Variants in FIG4 observed in about 807,000 individuals in gnomAD.
The protein encoded by FIG4 is FIG4 phosphoinositide 5-phosphatase, also known as polyphosphoinositide phosphatase.
FIG4 carries 112 observed loss-of-function variants against 118.6 expected under a neutral mutation model. The observed-to-expected ratio is 0.94, with a 90% CI of 0.81 to 1.11. The LOEUF (loss-of-function observed/expected upper bound fraction) is 1.11, where lower values mean the gene tolerates loss of function less well. Ranked by LOEUF, FIG4 falls within the 50% of genes least tolerant of loss-of-function variation. The pLI is 0.00. For missense variants in FIG4, 969 were observed against 1,111.7 expected (o/e 0.87, Z 1.83); for synonymous variants, 369 against 381.2 (o/e 0.97, Z 0.37).
At chr6:109,775,656 A>G (rs972815882) in intron 15 of FIG4, among the ~76,000 whole-genome samples, 1 of 152,214 alleles carries the variant, frequency 6.6e-6, no homozygotes, top group Admixed American at 6.5e-5. Context: ...GCAGTAATGT[A>G]TGCATTATTT....
At chr6:109,795,116 T>TG (rs1778246143) in intron 21 of FIG4, among the ~76,000 whole-genome samples, 4 of 117,126 alleles carry the variant, frequency 3.4e-5, no homozygotes, top group Non-Finnish European at 7.3e-5. Context: ...TTTTTTTTTT[T>TG]TTTTTTTTTT....
rs199711958 is a variant in FIG4 at position 109,760,318 on chromosome 6, C to T, written c.1206C>T (p.Asn402=). ...EELVAAVTYL[N]QFLPPEHTIV... ...TTGTTGCTGCTGTGACCTATCTCAA[C>T]CAATTTTTGCCTCCTGAGCACACTA... Residue 402 remains asparagine, a synonymous_variant, in exon 11 of 23, where the codon AAC becomes AAT. Coordinates refer to ENST00000230124, the MANE Select transcript of FIG4 (RefSeq NM_014845.6). The T allele has an allele frequency of 5.0e-6, 8 of 1,612,936 alleles. No homozygotes were observed. Among genetic ancestry groups the T allele is most frequent in the East Asian group, 2.2e-5 (1 of 44,848 alleles).
chr6:109,786,289 GT>G lies in FIG4; in HGVS notation c.1949-12del. 2 of 1,608,282 alleles carry G rather than the reference GT, an allele frequency of 1.2e-6. No homozygotes were observed. The highest frequency in any genetic ancestry group is 1.7e-6 in the Non-Finnish European group (2 of 1,175,228). On this transcript the variant is annotated splice_polypyrimidine_tract_variant and intron_variant, in intron 17 of 22. Coordinates refer to ENST00000230124, the MANE Select transcript of FIG4 (RefSeq NM_014845.6). ...TCTCAGACTTTTAGAGTAACATGCA[GT>G]ATCTCTCTTAGTTATCTGTGCTGTG...
intron 16 of FIG4, among the ~76,000 whole-genome samples, chr6:109,783,856 T>A (rs1777877770): frequency 6.6e-6 from 1 of 152,228 alleles, no homozygotes; most frequent in Non-Finnish European, 1.5e-5. Context: ...CTGTAAAGCA[T>A]AACTTCAGTC....
At chr6:109,730,950 T>C (rs926236622) in intron 4 of FIG4, among the ~76,000 whole-genome samples, 1 of 152,148 alleles carries the variant, frequency 6.6e-6, no homozygotes, top group Admixed American at 6.6e-5. Flanking sequence ...CAAGCAGCAG[T>C]CTGAAAGTAG....
rs111425638 is a variant in FIG4, at chr6:109,785,287, C to G, written c.1948+259C>G. On this transcript the variant is annotated intron_variant, in intron 17 of 22. Transcript: ENST00000230124. ...TGTCTTACAATTATTATGTGTCTGT[C>G]AAATATTTAGTCAGTAAAATATGAT... 2.6e-3 allele frequency among the ~76,000 whole-genome samples: 401 copies of G among 152,168 alleles called. 1 individual carries two copies. Among genetic ancestry groups the G allele is most frequent in the African/African-American group, 9.1e-3 (376 of 41,534 alleles).
chr6:109,715,247 A>T, intron 2 of FIG4, 71 bp downstream of exon 2: 2 of 768,724 alleles, frequency 2.6e-6, no homozygotes, highest in Non-Finnish European at 4.6e-6. Flanking sequence ...AAATATCCTT[A>T]CAGTTTTTAG....
chr6:109,807,945 A>G (rs2128400066), intron 22 of FIG4, among the ~76,000 whole-genome samples: 1 of 152,124 alleles, frequency 6.6e-6, no homozygotes, highest in East Asian at 1.9e-4. Flanking sequence ...TCTGTTCTGA[A>G]CAGAGCAGAT....
At position 109,777,021 on chromosome 6, in the gene FIG4, A is replaced by G. The variant is rs779158904; in HGVS notation, c.1850A>G (p.His617Arg). The G allele has an allele frequency of 6.2e-7, 1 of 1,613,854 alleles. No individual in the cohort carries two copies. Residue 617 changes from histidine to arginine, a missense_variant, in exon 16 of 23, where the codon CAT (histidine) becomes CGT (arginine). By Grantham distance (29) the His-to-Arg change is conservative. Coordinates refer to ENST00000230124, the MANE Select transcript of FIG4 (RefSeq NM_014845.6). ...LWELPTDFYL[H>R]HKNTMRLLPT... Reference sequence around the variant, plus strand: ...GAGCTCCCAACAGATTTTTATTTGCATCACAAAAATACCATGAGACTTTTG... The same window carrying G: ...GAGCTCCCAACAGATTTTTATTTGCGTCACAAAAATACCATGAGACTTTTG...
At chr6:109,788,516 A>T (rs757342844) in intron 18 of FIG4, among the ~76,000 whole-genome samples, 2 of 152,240 alleles carry the variant, frequency 1.3e-5, no homozygotes, top group Non-Finnish European at 2.9e-5. Context: ...CTCAGCTGAG[A>T]ACATAAGCAA....
At chr6:109,775,736 C>T (rs535716594) in intron 15 of FIG4, among the ~76,000 whole-genome samples, 1 of 152,226 alleles carries the variant, frequency 6.6e-6, no homozygotes, top group East Asian at 1.9e-4. Context: ...AAACATGTCC[C>T]TTTTTATATA....
At chr6:109,714,067 T>C (rs1205007331) in intron 1 of FIG4, among the ~76,000 whole-genome samples, 3 of 152,134 alleles carry the variant, frequency 2.0e-5, no homozygotes, top group Non-Finnish European at 4.4e-5. Flanking sequence ...TACCAAACCC[T>C]CTGGGCTCTG....
At chr6:109,762,997 C>T (rs184016654) in intron 12 of FIG4, among the ~76,000 whole-genome samples, 5 of 152,322 alleles carry the variant, frequency 3.3e-5, no homozygotes, top group Non-Finnish European at 7.3e-5. Context: ...GAGTCTTCTC[C>T]TCAGTGGAGT....
In FIG4 at chr6:109,766,720, T is replaced by C. The variant is rs748433013; in HGVS notation, c.1584-9T>C. On this transcript the variant is annotated splice_polypyrimidine_tract_variant and intron_variant, in intron 14 of 22. Transcript: ENST00000230124. ...GTGAAATTCTTTAATCGGGTTTTTC[T>C]TTTTTTAGGTTATTTGAGGAACTCT... 7 of 1,611,108 alleles carry C rather than the reference T, an allele frequency of 4.3e-6. No homozygotes were observed. In the Admixed American group the frequency reaches 1.2e-4, roughly 27 times the overall value.
chr6:109,735,126 A>T, intron 5 of FIG4, 24 bp from the exon 6 acceptor site: 1 of 1,605,402 alleles, frequency 6.2e-7, no homozygotes, highest in Non-Finnish European at 8.5e-7. Flanking sequence ...TGTAATTCTT[A>T]TTAAGTTTCA....
chr6:109,788,650 T>C (rs191491838), intron 18 of FIG4, among the ~76,000 whole-genome samples: 1 of 152,318 alleles, frequency 6.6e-6, no homozygotes, highest in African/African-American at 2.4e-5. Flanking sequence ...AAACATGGAA[T>C]GTGCAAATGA....
intron 16 of FIG4, among the ~76,000 whole-genome samples, chr6:109,783,082 G>T (rs1230996891): frequency 6.6e-6 from 1 of 152,182 alleles, no homozygotes; most frequent in Non-Finnish European, 1.5e-5. Context: ...ATGGACACAT[G>T]ATGGGAGAGA....
At chr6:109,769,510 G>T (rs997353578) in intron 15 of FIG4, among the ~76,000 whole-genome samples, 1 of 151,906 alleles carries the variant, frequency 6.6e-6, no homozygotes, top group African/African-American at 2.4e-5. Context: ...ATTATATAAT[G>T]GTGGCAATAT....
intron 3 of FIG4, among the ~76,000 whole-genome samples, chr6:109,717,401 T>C (rs919271109): frequency 6.6e-6 from 1 of 152,230 alleles, no homozygotes; most frequent in African/African-American, 2.4e-5. Flanking sequence ...AGATGCTCCA[T>C]GGTTTCTCTG....
Sources: gnomAD v4.1 joint callset for allele counts (sites outside exome capture counted in the v4.1 genomes callset) on GRCh38, gnomAD v4.1.1 for gene constraint, MANE v1.5 for transcripts, NCBI Gene and HGNC (gene_info 2026-07-23, HGNC 2026-07-21) for gene names.